Variants in PHKB observed in about 807,000 individuals in gnomAD.
The protein encoded by PHKB is phosphorylase b kinase regulatory subunit beta.
A neutral mutation model predicts 152.1 loss-of-function variants in PHKB; 122 were observed. The observed-to-expected ratio is 0.80, with a 90% confidence interval of 0.69 to 0.93. The LOEUF (loss-of-function observed/expected upper bound fraction) is 0.93. PHKB is among the 40% of genes least tolerant of loss of function. The pLI is 0.00. For missense variants in PHKB, 1,304 were observed against 1,328.4 expected (o/e 0.98, Z 0.29); for synonymous variants, 436 against 464.9 (o/e 0.94, Z 0.80).
intron 1 of PHKB, among the ~76,000 whole-genome samples, chr16:47,486,127 T>G (rs1970045870): frequency 6.6e-6 from 1 of 152,180 alleles, no homozygotes; most frequent in Non-Finnish European, 1.5e-5. Context: ...AAATAACACA[T>G]TAATCAAATG....
At chr16:47,652,961 G>T (rs146857066) in intron 20 of PHKB, among the ~76,000 whole-genome samples, 1 of 151,016 alleles carries the variant, frequency 6.6e-6, no homozygotes. Flanking sequence ...GCTTTGATTC[G>T]CATTTCTTTG....
In PHKB at chr16:47,650,823, T is replaced by C; in HGVS notation, c.1881-8T>C. 6.3e-7 allele frequency: 1 copy of C among 1,599,782 alleles called. No homozygotes were observed. The highest frequency in any genetic ancestry group is 8.6e-7 in the Non-Finnish European group (1 of 1,167,284). On this transcript the variant is annotated splice_polypyrimidine_tract_variant and splice_region_variant and intron_variant, in intron 19 of 30. Coordinates refer to ENST00000323584, the MANE Select transcript of PHKB (RefSeq NM_000293.3). ...AATCTGTACATTTTGTTTATTTATA[T>C]TTTTTAGAGGTAGCCGGTTCAACCC...
At chr16:47,646,545 C>A (rs1283734383) in intron 16 of PHKB, among the ~76,000 whole-genome samples, 121 of 104,258 alleles carry the variant, frequency 1.2e-3, no homozygotes, top group East Asian at 2.3e-3. Context: ...AAAAAAAAAA[C>A]ATTAAAAATA....
intron 1 of PHKB, among the ~76,000 whole-genome samples, chr16:47,488,933 T>A (rs1473311646): frequency 4.6e-5 from 7 of 152,220 alleles, no homozygotes; most frequent in Non-Finnish European, 1.0e-4. Context: ...TTGCCTCTCT[T>A]TTGGTTCCAT....
At chr16:47,641,124 TGGGGAGGGGA>T in intron 15 of PHKB, 34 bp downstream of exon 15, 6 of 1,534,260 alleles carry the variant, frequency 3.9e-6, no homozygotes, top group Non-Finnish European at 5.4e-6. Flanking sequence ...TGTTTTTTTG[TGGGGAGGGGA>T]GGGGAGGGGA....
Position 47,509,799 on chromosome 16 carries a change from C to A in PHKB, c.406-1866C>A, listed in dbSNP as rs761088867. Among the ~76,000 whole-genome samples, 2 of 152,036 alleles carry A rather than the reference C, an allele frequency of 1.3e-5. 1 individual carries two copies. Among genetic ancestry groups the A allele is most frequent in the South Asian group, 4.1e-4 (2 of 4,824 alleles). ...TGTGGATTTTCCATACCAAGCAGTTCTTGAATTTGAGACACCAACTGGGTA... is the reference window on the plus strand; with the variant it reads ...TGTGGATTTTCCATACCAAGCAGTTATTGAATTTGAGACACCAACTGGGTA... On this transcript the variant is annotated intron_variant, in intron 4 of 30. Transcript: ENST00000323584.
Position 47,488,298 on chromosome 16 carries a change from G to C in PHKB, c.77-9101G>C, listed in dbSNP as rs539023234. 2.0e-5 allele frequency among the ~76,000 whole-genome samples: 3 copies of C among 152,078 alleles called. No individual in the cohort carries two copies. The South Asian group carries it at 6.2e-4, about 32-fold the overall frequency. ...TTTTTAATAGGGTTGTTTAGTTTTT[G>C]CTTATTAATTTGTTTAAATTGCTTA... On this transcript the variant is annotated intron_variant, in intron 1 of 30. Transcript: ENST00000323584.
chr16:47,623,197 A>G (rs956400396), intron 14 of PHKB, among the ~76,000 whole-genome samples: 1 of 152,180 alleles, frequency 6.6e-6, no homozygotes, highest in African/African-American at 2.4e-5. Flanking sequence ...TCTTAACCAA[A>G]TGTCTGACAC....
intron 7 of PHKB, among the ~76,000 whole-genome samples, chr16:47,575,413 G>A (rs934687238): frequency 5.9e-5 from 9 of 152,098 alleles, no homozygotes; most frequent in Admixed American, 1.3e-4. Context: ...TATGTTTATC[G>A]CAGCATAATT....
intron 6 of PHKB, among the ~76,000 whole-genome samples, chr16:47,530,259 C>A (rs1970838879): frequency 6.6e-6 from 1 of 151,814 alleles, no homozygotes. Flanking sequence ...TCTCAGCCAC[C>A]TAAGTAGCTG....
intron 14 of PHKB, among the ~76,000 whole-genome samples, chr16:47,629,583 AAACTAGTTC>A (rs1157851595): frequency 6.7e-6 from 1 of 149,764 alleles, no homozygotes; most frequent in African/African-American, 2.4e-5. Context: ...GTGGGACTGT[AAACTAGTTC>A]AACCATTGTG....
chr16:47,501,141 T>C (rs1232517149), intron 3 of PHKB, among the ~76,000 whole-genome samples: 2 of 152,172 alleles, frequency 1.3e-5, no homozygotes, highest in Non-Finnish European at 2.9e-5. Context: ...AAGCCAATAA[T>C]GAGACAGACT....
At chr16:47,698,066 G>A (rs1249396058) in intron 29 of PHKB, among the ~76,000 whole-genome samples, 6 of 152,074 alleles carry the variant, frequency 3.9e-5, no homozygotes, top group Non-Finnish European at 7.4e-5. Flanking sequence ...TCCCTGACCC[G>A]TCTCTCCACA....
intron 6 of PHKB, among the ~76,000 whole-genome samples, chr16:47,535,318 C>G (rs970808905): frequency 6.6e-6 from 1 of 152,184 alleles, no homozygotes; most frequent in Non-Finnish European, 1.5e-5. Flanking sequence ...ACATGTATAA[C>G]AAAAACTTCC....
chr16:47,642,310 T>G (rs1183266317), intron 16 of PHKB, among the ~76,000 whole-genome samples: 1 of 152,208 alleles, frequency 6.6e-6, no homozygotes, highest in African/African-American at 2.4e-5. Context: ...TATTTATCAT[T>G]GATGTAGTTC....
chr16:47,481,058 C>T (rs141728400), intron 1 of PHKB, among the ~76,000 whole-genome samples: 2 of 152,150 alleles, frequency 1.3e-5, no homozygotes, highest in African/African-American at 2.4e-5. Context: ...TCATTTTATA[C>T]TTCTCTATGA....
chr16:47,681,391 C>T (rs199668504), intron 26 of PHKB, among the ~76,000 whole-genome samples: 4 of 148,252 alleles, frequency 2.7e-5, no homozygotes, highest in African/African-American at 9.8e-5. Flanking sequence ...CCCATTTTTA[C>T]TGTGTGGGAG....
At chr16:47,643,993 C>G (rs976939050) in intron 16 of PHKB, among the ~76,000 whole-genome samples, 2 of 152,042 alleles carry the variant, frequency 1.3e-5, no homozygotes, top group South Asian at 2.1e-4. Flanking sequence ...ATGTGTACAA[C>G]ATGGGGGCAG....
At chr16:47,591,699 C>G (rs772522829) in intron 10 of PHKB, among the ~76,000 whole-genome samples, 4 of 152,090 alleles carry the variant, frequency 2.6e-5, no homozygotes, top group Non-Finnish European at 5.9e-5. Flanking sequence ...TAACTCATAC[C>G]TCTCCTCAAG....
Sources: gnomAD v4.1 joint callset for allele counts (sites outside exome capture counted in the v4.1 genomes callset) on GRCh38, gnomAD v4.1.1 for gene constraint, MANE v1.5 for transcripts, NCBI Gene and HGNC (gene_info 2026-07-23, HGNC 2026-07-21) for gene names.